GALNTL5: variants seen among roughly 807,000 people sequenced by gnomAD.
GALNTL5 encodes the protein polypeptide N-acetylgalactosaminyltransferase like 5, also known as inactive polypeptide N-acetylgalactosaminyltransferase-like protein 5.
In GALNTL5, 44 loss-of-function variants were observed where a neutral mutation model predicts 51.0. That is an observed-to-expected ratio of 0.86 (90% CI 0.68 to 1.11). The LOEUF is 1.11. Among genes scored for constraint, GALNTL5 ranks in the 50% least tolerant of loss-of-function variants. The pLI is 0.00. For synonymous variants in GALNTL5, 192 were observed against 182.8 expected, an observed-to-expected ratio of 1.05 and a Z score of -0.41; for missense variants, 528 against 531.8, an observed-to-expected ratio of 0.99 and a Z score of 0.07.
At chr7:151,986,364 G>A (rs756047938) in intron 4 of GALNTL5, among the ~76,000 whole-genome samples, 3 of 152,194 alleles carry the variant, frequency 2.0e-5, no homozygotes, top group Non-Finnish European at 4.4e-5. Context: ...GCGAGGCGTG[G>A]TGGCTCACGC....
chr7:151,958,467 T>C (rs1469114461), intron 1 of GALNTL5, among the ~76,000 whole-genome samples: 1 of 152,174 alleles, frequency 6.6e-6, no homozygotes, highest in African/African-American at 2.4e-5. Context: ...CCCCAAGGAC[T>C]GTTACAGCTC....
intron 3 of GALNTL5, among the ~76,000 whole-genome samples, chr7:151,979,765 T>A (rs1002503746): frequency 6.6e-6 from 1 of 152,030 alleles, no homozygotes; most frequent in Admixed American, 6.6e-5. Context: ...CCAGGAAAGT[T>A]TTTATAGACA....
At chr7:152,004,216 G>T (rs188250063) in intron 6 of GALNTL5, among the ~76,000 whole-genome samples, 2 of 151,374 alleles carry the variant, frequency 1.3e-5, no homozygotes, top group Non-Finnish European at 2.9e-5. Flanking sequence ...GTTTTCAAGG[G>T]CTAATTAACT....
intron 3 of GALNTL5, among the ~76,000 whole-genome samples, chr7:151,974,959 C>T (rs2081189463): frequency 6.6e-6 from 1 of 152,152 alleles, no homozygotes; most frequent in Non-Finnish European, 1.5e-5. Context: ...TAAAAATTAA[C>T]TTCTAAGAGC....
At chr7:152,017,372 T>C (rs534968292) in intron 8 of GALNTL5, among the ~76,000 whole-genome samples, 1 of 152,348 alleles carries the variant, frequency 6.6e-6, no homozygotes, top group East Asian at 1.9e-4. Context: ...TATAATCTTA[T>C]GGGACTACCA....
At position 151,982,868 on chromosome 7, in the gene GALNTL5, A is replaced by G. The variant is rs935706109; in HGVS notation, c.369-118A>G. ...GTACTGTCACCTTATTACCATAATT[A>G]TCAGTTGAAGGAGTAAAGAGTCAAA... On this transcript the variant is annotated intron_variant, in intron 3 of 8. Transcript: ENST00000392800. 3.2e-6 allele frequency: 5 copies of G among 1,586,164 alleles called. No homozygotes were observed. The African/African-American group carries it at 6.7e-5, about 21-fold the overall frequency.
intron 1 of GALNTL5, among the ~76,000 whole-genome samples, chr7:151,961,521 T>A: frequency 6.6e-6 from 1 of 152,006 alleles, no homozygotes; most frequent in East Asian, 1.9e-4. Context: ...AAAACAAAAC[T>A]GTAGAAGCCA....
chr7:152,000,843 T>C (rs1458242671), intron 5 of GALNTL5, among the ~76,000 whole-genome samples: 1 of 152,160 alleles, frequency 6.6e-6, no homozygotes, highest in African/African-American at 2.4e-5. Flanking sequence ...TTGGAAATAC[T>C]TTCCCCCATT....
intron 7 of GALNTL5, among the ~76,000 whole-genome samples, chr7:152,010,003 G>A (rs2081708326): frequency 6.6e-6 from 1 of 152,226 alleles, no homozygotes; most frequent in African/African-American, 2.4e-5. Flanking sequence ...TGAGCATTGA[G>A]AAGAAGACAC....
intron 3 of GALNTL5, among the ~76,000 whole-genome samples, chr7:151,979,938 G>T (rs2081258430): frequency 6.6e-6 from 1 of 152,176 alleles, no homozygotes; most frequent in Non-Finnish European, 1.5e-5. Flanking sequence ...ACCCAGGACT[G>T]ACTATAACAT....
rs1313867298 is a variant in GALNTL5, at chr7:151,987,274, T to C, written c.651T>C (p.His217=). 7 of 1,577,260 alleles carry C rather than the reference T, an allele frequency of 4.4e-6. No homozygotes were observed. Among genetic ancestry groups the C allele is most frequent in the South Asian group, 3.6e-5 (3 of 82,390 alleles). ...GAGCAAGGCTGATTGGAGCTTCTCATGCTTCAGGTAGGAACATTCCTGGGG... is the reference window on the plus strand; with the variant it reads ...GAGCAAGGCTGATTGGAGCTTCTCACGCTTCAGGTAGGAACATTCCTGGGG... ...LIRARLIGAS[H]ASGDVLVFLD... Residue 217 remains histidine, a synonymous_variant, in exon 5 of 9, where the codon CAT becomes CAC. Transcript: ENST00000392800.
rs536982115 is a variant in GALNTL5, at chr7:152,017,472, G to C, written c.1177-2174G>C. On this transcript the variant is annotated intron_variant, in intron 8 of 8. Coordinates refer to ENST00000392800, the MANE Select transcript of GALNTL5 (RefSeq NM_145292.4). Reference sequence around the variant, plus strand: ...CATAGGTAAATTTCAGAGATGTAATGGTGAATGAAAGCAGCCAAACACAAC... The same window carrying C: ...CATAGGTAAATTTCAGAGATGTAATCGTGAATGAAAGCAGCCAAACACAAC... Among the ~76,000 whole-genome samples, 4 of 152,322 alleles carry C rather than the reference G, an allele frequency of 2.6e-5. No individual in the cohort carries two copies. In the East Asian group the frequency reaches 7.7e-4, roughly 29 times the overall value.
At chr7:151,970,142 G>A (rs919996527) in intron 2 of GALNTL5, among the ~76,000 whole-genome samples, 1 of 100,846 alleles carries the variant, frequency 9.9e-6, no homozygotes, top group East Asian at 3.7e-4. Context: ...GTGGGGAGGG[G>A]GTAGTTGGGG....
chr7:151,976,103 G>A (rs2081201935), intron 3 of GALNTL5, among the ~76,000 whole-genome samples: 1 of 152,154 alleles, frequency 6.6e-6, no homozygotes, highest in East Asian at 1.9e-4. Context: ...AAGTATAGTT[G>A]AAGCCCAGTA....
intron 7 of GALNTL5, 92 bp from the exon 8 acceptor site, chr7:152,014,552 G>A (rs1004541932): frequency 3.1e-6 from 4 of 1,273,936 alleles, no homozygotes; most frequent in Non-Finnish European, 4.3e-6. Context: ...ACAGGCATGA[G>A]CCACCGCACC....
At chr7:151,970,411 A>C (rs1398395582) in intron 2 of GALNTL5, among the ~76,000 whole-genome samples, 2 of 152,056 alleles carry the variant, frequency 1.3e-5, no homozygotes, top group East Asian at 3.9e-4. Flanking sequence ...TTATCCCTCC[A>C]TGTCTCATGT....
chr7:151,981,611 T>A (rs868670578), intron 3 of GALNTL5, among the ~76,000 whole-genome samples: 1 of 120,450 alleles, frequency 8.3e-6, no homozygotes, highest in Non-Finnish European at 1.8e-5. Flanking sequence ...CCTTCCCTCC[T>A]TCCTTCCTTC....
At chr7:151,978,623 C>G (rs544516335) in intron 3 of GALNTL5, among the ~76,000 whole-genome samples, 1 of 152,276 alleles carries the variant, frequency 6.6e-6, no homozygotes, top group East Asian at 1.9e-4. Context: ...GTAGCTTAGA[C>G]AACAAAAATT....
chr7:152,005,424 G>A (rs142885459), intron 6 of GALNTL5, among the ~76,000 whole-genome samples: 14 of 152,244 alleles, frequency 9.2e-5, no homozygotes, highest in Middle Eastern at 3.4e-3. Context: ...TGACTCCAAC[G>A]TTTTCGGCCT....
Sources: allele counts gnomAD v4.1 joint callset (sites outside exome capture counted in the v4.1 genomes callset), GRCh38; gene constraint gnomAD v4.1.1; transcripts MANE v1.5; gene names NCBI Gene and HGNC (gene_info 2026-07-23, HGNC 2026-07-21).